Variants in ZNF318 observed in about 807,000 individuals in gnomAD.
ZNF318 encodes the protein endocrine regulator.
Under a neutral mutation model 124.2 loss-of-function variants are expected in ZNF318, and 51 were observed. That is an observed-to-expected ratio of 0.41 (90% CI 0.33 to 0.52). The LOEUF (loss-of-function observed/expected upper bound fraction) is 0.52, where lower values mean the gene tolerates loss of function less well. Among genes scored for constraint, ZNF318 ranks in the 20% least tolerant of loss-of-function variants. The pLI, the probability that ZNF318 is intolerant of heterozygous loss-of-function variation, is 0.23. For missense variants in ZNF318, 2,815 were observed against 2,811.2 expected (o/e 1.00, Z -0.03); for synonymous variants, 1,090 against 1,040.7 (o/e 1.05, Z -0.91).
intron 2 of ZNF318, among the ~76,000 whole-genome samples, chr6:43,365,013 G>T (rs1477888286): frequency 6.6e-6 from 1 of 152,150 alleles, no homozygotes; most frequent in Non-Finnish European, 1.5e-5. Flanking sequence ...TCATTTGGGG[G>T]ACTCTGATTA....
In ZNF318 at chr6:43,339,762, C is replaced by T. The variant is rs1779344190; in HGVS notation, c.4236G>A (p.Gly1412=). ...PPDIISKAFG[G]EEVILKGSPE... ...GAGACCCTTTTAGAATCACCTCTTC[C>T]CCTCCAAATGCTTTGGAGATGATGT... is the stretch of plus-strand genomic sequence containing the variant. The change falls in exon 10 of 10, where the codon GGG becomes GGA. Residue 1412 remains glycine (G), a synonymous_variant. Transcript: ENST00000361428. The surrounding 1 kb of genome is among the most constrained non-coding windows in gnomAD (Gnocchi z 4.2). The T allele has an allele frequency of 6.2e-7, 1 of 1,613,964 alleles. No individual in the cohort carries two copies. Among genetic ancestry groups the T allele is most frequent in the Admixed American group, 1.7e-5 (1 of 60,000 alleles).
At chr6:43,341,045 G>A (rs1779368222) in intron 8 of ZNF318, 137 bp from the exon 9 acceptor site, 2 of 649,862 alleles carry the variant, frequency 3.1e-6, no homozygotes, top group South Asian at 3.6e-5. Flanking sequence ...GTCAGAAGCA[G>A]TATTTAGATG....
intron 2 of ZNF318, among the ~76,000 whole-genome samples, chr6:43,358,473 A>C (rs905539940): frequency 6.9e-6 from 1 of 144,268 alleles, no homozygotes; most frequent in African/African-American, 2.6e-5. Context: ...CATGTTAGCC[A>C]GGATGGTCTT....
chr6:43,365,459 A>G lies in ZNF318; in HGVS notation c.400-19T>C. On this transcript the variant is annotated intron_variant, in intron 1 of 9. Transcript: ENST00000361428. ...AGCGTCTCTACAAAAGTAAAGGATA[A>G]TATGGTTAGTCAATAGGGTCAAGAC... is the stretch of plus-strand genomic sequence containing the variant. The G allele has an allele frequency of 1.9e-6, 3 of 1,609,366 alleles. No individual in the cohort carries two copies. Among genetic ancestry groups the G allele is most frequent in the Non-Finnish European group, 2.5e-6 (3 of 1,178,302 alleles).
chr6:43,363,055 G>A (rs1463968281), intron 2 of ZNF318, among the ~76,000 whole-genome samples: 1 of 151,974 alleles, frequency 6.6e-6, no homozygotes, highest in Non-Finnish European at 1.5e-5. Context: ...CTGTGCCTCT[G>A]AAACACATGA....
At chr6:43,350,185 G>C (rs758500161) in intron 5 of ZNF318, among the ~76,000 whole-genome samples, 13 of 152,182 alleles carry the variant, frequency 8.5e-5, no homozygotes, top group Non-Finnish European at 1.8e-4. Flanking sequence ...GGAAGGTGGA[G>C]GTTGCAGTGA....
intron 6 of ZNF318, among the ~76,000 whole-genome samples, chr6:43,344,478 A>G (rs937481090): frequency 2.0e-5 from 3 of 152,250 alleles, no homozygotes; most frequent in Admixed American, 6.5e-5. Context: ...GTATTTACTG[A>G]CATGGAAAGA....
At chr6:43,356,256 G>A in intron 3 of ZNF318, 111 bp from the exon 4 acceptor site, 1 of 1,169,134 alleles carries the variant, frequency 8.6e-7, no homozygotes, top group South Asian at 1.6e-5. Context: ...TGAGATACAA[G>A]TATGGATAAA....
In ZNF318 at chr6:43,352,246, T is replaced by C. The variant is rs1779539601; in HGVS notation, c.2770+131A>G. 7.4e-6 allele frequency: 5 copies of C among 676,372 alleles called. No homozygotes were observed. In the Admixed American group the frequency reaches 1.1e-4, roughly 15 times the overall value. 41.9% of individuals were successfully genotyped at this position (676,372 alleles called of 1,614,324 possible). ...TTCTTTGCACTATTATTGCAACTTT[T>C]TTGTAAGTTTAATTACGTCAAAAAA... On this transcript the variant is annotated intron_variant, in intron 5 of 9. Transcript: ENST00000361428.
rs769140482 is a variant in ZNF318, at chr6:43,354,765, G to C, written c.2569C>G (p.Pro857Ala). The change falls in exon 4 of 10, where the codon CCT (proline) becomes GCT (alanine). Residue 857 changes from proline (P) to alanine (A), a missense_variant. Transcript: ENST00000361428. The stretch of plus-strand genomic sequence containing the variant: ...ACCTGGACAGGCACTTGGGCCGCAG[G>C]AATTGAGCCTCGCAGAGACTCTTTC... ...KQKESLRGSI[P>A]AAQVPVQVSI... 6 of 1,614,062 alleles carry C rather than the reference G, an allele frequency of 3.7e-6. No homozygotes were observed. The South Asian group carries it at 6.6e-5, about 18-fold the overall frequency.
intron 6 of ZNF318, among the ~76,000 whole-genome samples, chr6:43,345,336 GA>G (rs919049703): frequency 1.3e-5 from 2 of 151,942 alleles, no homozygotes; most frequent in African/African-American, 4.8e-5. Context: ...AACAGAAAGG[GA>G]AAGAAAATCT....
At chr6:43,364,505 C>T (rs894733704) in intron 2 of ZNF318, among the ~76,000 whole-genome samples, 4 of 152,152 alleles carry the variant, frequency 2.6e-5, no homozygotes, top group African/African-American at 7.2e-5. Context: ...TTTGAAATTA[C>T]ATTACATTGA....
chr6:43,359,205 A>G (rs1025209004), intron 2 of ZNF318, among the ~76,000 whole-genome samples: 5 of 152,314 alleles, frequency 3.3e-5, no homozygotes, highest in African/African-American at 1.2e-4. Context: ...CCTTCTCTGG[A>G]TATCTACAAG....
rs776514732 is a variant in ZNF318, at chr6:43,342,141, C to T, written c.3347G>A (p.Arg1116His). 7.4e-6 allele frequency: 12 copies of T among 1,613,924 alleles called. No individual in the cohort carries two copies. The highest frequency in any genetic ancestry group is 3.3e-5 in the Admixed American group (2 of 59,988). Residue 1116 changes from arginine to histidine, a missense_variant, in exon 8 of 10, where the codon CGC (arginine) becomes CAC (histidine). Transcript: ENST00000361428. ...TGCAGGAACAGTTATCTTGTCAGTGCGCTTTATGGCATCTTGCTTGGCCTC... is the reference window on the plus strand; with the variant it reads ...TGCAGGAACAGTTATCTTGTCAGTGTGCTTTATGGCATCTTGCTTGGCCTC... The part of the protein sequence containing the change: ...QSEAKQDAIK[R>H]TDKITVPAKG...
chr6:43,337,322 C>G lies in ZNF318; in HGVS notation c.6676G>C (p.Asp2226His), dbSNP rs1360030172. The G allele has an allele frequency of 6.2e-7, 1 of 1,614,198 alleles. No homozygotes were observed. The highest frequency in any genetic ancestry group is 1.1e-5 in the South Asian group (1 of 91,086). Residue 2226 changes from aspartate to histidine, a missense_variant, in exon 10 of 10, where the codon GAT becomes CAT. Coordinates refer to ENST00000361428, the MANE Select transcript of ZNF318 (RefSeq NM_014345.3). ...STTEVAILQV[D>H]DDSGDPLNLV... ...TTCAGAGGGTCGCCACTGTCATCAT[C>G]TACTTGCAGAATTGCCACCTCTGTG...
chr6:43,357,269 A>C lies in ZNF318; in HGVS notation c.1045T>G (p.Cys349Gly). The C allele has an allele frequency of 6.2e-7, 1 of 1,614,238 alleles. No homozygotes were observed. Among genetic ancestry groups the C allele is most frequent in the Non-Finnish European group, 8.5e-7 (1 of 1,180,034 alleles). ...ACACCTGACAATCCAGGGATGGAAC[A>C]GCCAGTACCACCACCATCAACTCCA... Reference protein sequence around the residue: ...LVGVDGGGTGCSIPGLSGVLT... With the variant: ...LVGVDGGGTGGSIPGLSGVLT... The change falls in exon 3 of 10, where the codon TGT (cysteine) becomes GGT (glycine). Residue 349 changes from cysteine to glycine, a missense_variant. By Grantham distance (159) the Cys-to-Gly change is radical. This residue lies in a region of ZNF318 where 1,377 missense variants were observed against 1,353.5 expected (regional missense o/e 1.02). Coordinates refer to ENST00000361428, the MANE Select transcript of ZNF318 (RefSeq NM_014345.3).
chr6:43,369,451 C>A lies in ZNF318; in HGVS notation c.-86G>T. On this transcript the variant is annotated 5_prime_UTR_variant, in exon 1 of 10. Coordinates refer to ENST00000361428, the MANE Select transcript of ZNF318 (RefSeq NM_014345.3). ...CGGAGCGCGCCGCCGCAGCTGCAGC[C>A]GCCGCCACCTCGGCCGCTGCGCGCC... is the stretch of plus-strand genomic sequence containing the variant. 1 of 1,057,532 alleles carries A rather than the reference C, an allele frequency of 9.5e-7. No individual in the cohort carries two copies. The highest frequency in any genetic ancestry group is 1.2e-6 in the Non-Finnish European group (1 of 857,776). The allele number at this position is 1,057,532 out of a possible 1,614,324, so 65.5% of individuals were successfully genotyped here. A position where few individuals can be genotyped will look rare whatever the true frequency, so the allele number is the denominator to read the frequency against.
rs747117249 is a variant in ZNF318 at position 43,355,912 on chromosome 6, T to C, written c.1422A>G (p.Leu474=). The C allele has an allele frequency of 8.1e-6, 13 of 1,614,114 alleles. No individual in the cohort carries two copies. In the African/African-American group the frequency reaches 1.1e-4, roughly 13 times the overall value. ...TCAAATCCAAATTATCCTTGTGGCA[T>C]AGAAAACTTCCAAATTTTTCTCTGA... The part of the protein sequence containing the change: ...SPLREKFGSF[L]CHKDNLDLKA... The change falls in exon 4 of 10, where the codon CTA becomes CTG. Residue 474 remains leucine, a synonymous_variant. Coordinates refer to ENST00000361428, the MANE Select transcript of ZNF318 (RefSeq NM_014345.3).
At chr6:43,341,978 A>T in intron 8 of ZNF318, 134 bp downstream of exon 8, 1 of 757,634 alleles carries the variant, frequency 1.3e-6, no homozygotes, top group South Asian at 1.6e-5. Context: ...TTTTGTACAC[A>T]GAAGGCATTC....
Sources: gnomAD v4.1 joint callset for allele counts (sites outside exome capture counted in the v4.1 genomes callset) on GRCh38, gnomAD v4.1.1 for gene constraint, gnomAD v4.1.1 regional missense constraint, Gnocchi (gnomAD v3.1) non-coding constraint, MANE v1.5 for transcripts, NCBI Gene and HGNC (gene_info 2026-07-23, HGNC 2026-07-21) for gene names.